Variants in LRBA observed in about 807,000 individuals in gnomAD.
The protein encoded by LRBA is LPS responsive beige-like anchor protein, also known as lipopolysaccharide-responsive and beige-like anchor protein.
Under a neutral mutation model 330.0 loss-of-function variants are expected in LRBA, and 176 were observed. The ratio of observed to expected loss-of-function variants is 0.53; its 90% CI spans 0.47 to 0.60. The LOEUF (loss-of-function observed/expected upper bound fraction) is 0.60. LRBA is among the 20% of genes least tolerant of loss of function. The pLI is 0.00. For missense variants in LRBA, 3,259 were observed against 3,444.8 expected (o/e 0.95, Z 1.35); for synonymous variants, 1,230 against 1,193.0 (o/e 1.03, Z -0.64).
intron 16 of LRBA, 70 bp from the exon 17 acceptor site, chr4:150,893,219 TGAAATA>T: frequency 2.6e-6 from 2 of 763,360 alleles, no homozygotes; most frequent in Admixed American, 4.9e-5. Flanking sequence ...TGAATACTTC[TGAAATA>T]GAAATTTCAA....
chr4:150,446,020 G>C (rs1407311260), intron 44 of LRBA, among the ~76,000 whole-genome samples: 2 of 152,148 alleles, frequency 1.3e-5, no homozygotes, highest in South Asian at 2.1e-4. Flanking sequence ...ATAAGGCATG[G>C]ATGGAACTAG....
At chr4:150,588,689 C>A (rs1365804127) in intron 39 of LRBA, among the ~76,000 whole-genome samples, 2 of 152,154 alleles carry the variant, frequency 1.3e-5, no homozygotes, top group South Asian at 4.1e-4. Context: ...AGATTTTATG[C>A]CAGCTTGACA....
chr4:150,687,019 T>C (rs1260009483), intron 36 of LRBA, among the ~76,000 whole-genome samples: 3 of 152,132 alleles, frequency 2.0e-5, no homozygotes, highest in East Asian at 3.8e-4. Context: ...TCTATAGATA[T>C]AAATCACATT....
At chr4:150,856,802 C>A (rs1261484553) in intron 22 of LRBA, among the ~76,000 whole-genome samples, 1 of 152,144 alleles carries the variant, frequency 6.6e-6, no homozygotes, top group Non-Finnish European at 1.5e-5. Context: ...TCTTCACAAT[C>A]ATTTGATAGC....
intron 38 of LRBA, among the ~76,000 whole-genome samples, chr4:150,594,069 A>C (rs1773204438): frequency 6.6e-6 from 1 of 152,136 alleles, no homozygotes; most frequent in Non-Finnish European, 1.5e-5. Flanking sequence ...ACACACACCC[A>C]CTTTAATTTA....
At chr4:150,278,865 C>T (rs1405722954) in intron 55 of LRBA, among the ~76,000 whole-genome samples, 1 of 151,980 alleles carries the variant, frequency 6.6e-6, no homozygotes, top group African/African-American at 2.4e-5. Flanking sequence ...TGCTCTGTCA[C>T]CCAGGCTGGA....
At chr4:150,953,968 CCCGCCACCCCGT>C (rs1737187164) in intron 2 of LRBA, among the ~76,000 whole-genome samples, 1 of 5,842 alleles carries the variant, frequency 1.7e-4, no homozygotes, top group African/African-American at 2.6e-4. Context: ...GCGCCTCTGC[CCCGCCACCCCGT>C]CTGGGAGGTA....
chr4:150,565,486 G>A (rs1176953570), intron 40 of LRBA, among the ~76,000 whole-genome samples: 1 of 151,980 alleles, frequency 6.6e-6, no homozygotes, highest in Non-Finnish European at 1.5e-5. Context: ...TTCTGCATAT[G>A]TATCCTAGAA....
chr4:150,278,614 C>T (rs749351521), intron 55 of LRBA, among the ~76,000 whole-genome samples: 14 of 152,188 alleles, frequency 9.2e-5, no homozygotes, highest in African/African-American at 1.2e-4. Flanking sequence ...GGCTGTGCCC[C>T]TCTGTCCTTT....
At chr4:150,996,281 C>A (rs1311444236) in intron 2 of LRBA, among the ~76,000 whole-genome samples, 1 of 152,104 alleles carries the variant, frequency 6.6e-6, no homozygotes, top group East Asian at 1.9e-4. Context: ...TAATTCTCAA[C>A]TTTTTCTAAA....
intron 48 of LRBA, among the ~76,000 whole-genome samples, chr4:150,339,385 G>A (rs937477807): frequency 8.5e-5 from 13 of 152,048 alleles, no homozygotes; most frequent in African/African-American, 2.9e-4. Flanking sequence ...AACCCAGAAC[G>A]CAATTACAAA....
chr4:150,571,649 G>GTTTTT lies in LRBA; in HGVS notation c.6330+16394_6330+16398dup, dbSNP rs58652637. ...GTATGCATTAACCTACTGGTTAGTT[G>GTTTTT]TTTTTTTTTTTTTTTTTTTTTTTTT... On this transcript the variant is annotated intron_variant, in intron 40 of 56. Coordinates refer to ENST00000651943, the MANE Select transcript of LRBA (RefSeq NM_001364905.1). Among the ~76,000 whole-genome samples the GTTTTT allele has an allele frequency of 6.0e-3, 445 of 74,390 alleles. 9 individuals carry two copies. The highest frequency in any genetic ancestry group is 0.018 in the Middle Eastern group (1 of 56). 48.8% of individuals were successfully genotyped at this position (74,390 alleles called of 152,430 possible).
chr4:150,874,852 G>C (rs190627101), intron 17 of LRBA, among the ~76,000 whole-genome samples: 1 of 152,306 alleles, frequency 6.6e-6, no homozygotes, highest in East Asian at 1.9e-4. Context: ...TGCACAGGCA[G>C]ATCTCCAGGC....
At chr4:150,718,341 G>A (rs562539207) in intron 36 of LRBA, among the ~76,000 whole-genome samples, 15 of 152,082 alleles carry the variant, frequency 9.9e-5, no homozygotes, top group South Asian at 2.1e-4. Flanking sequence ...TTAAATAGAT[G>A]ACAACATCTT....
chr4:150,716,842 G>A (rs1208786947), intron 36 of LRBA, among the ~76,000 whole-genome samples: 3 of 152,128 alleles, frequency 2.0e-5, no homozygotes, highest in East Asian at 1.9e-4. Context: ...CCATGAAGTC[G>A]ACAGAGGCTA....
chr4:150,287,452 G>A (rs1393217233), intron 53 of LRBA, among the ~76,000 whole-genome samples: 1 of 152,196 alleles, frequency 6.6e-6, no homozygotes, highest in Non-Finnish European at 1.5e-5. Context: ...AAGGTGAGAG[G>A]CTTCTACCCT....
chr4:150,264,703 T>G lies in LRBA; in HGVS notation c.*1019A>C, dbSNP rs1266727197. 6.6e-6 allele frequency: 1 copy of G among 152,648 alleles called. No individual in the cohort carries two copies. Among genetic ancestry groups the G allele is most frequent in the Non-Finnish European group, 1.5e-5 (1 of 68,028 alleles). 9.5% of individuals were successfully genotyped at this position (152,648 alleles called of 1,614,324 possible). A position where few individuals can be genotyped will look rare whatever the true frequency, so the allele number is the denominator to read the frequency against. On this transcript the variant is annotated 3_prime_UTR_variant, in exon 57 of 57. Coordinates refer to ENST00000651943, the MANE Select transcript of LRBA (RefSeq NM_001364905.1). ...TTATTTATGCAATACAGGCCTTTTCTCAAATATTTTTCACAGAATTCCACA... is the reference window on the plus strand; with the variant it reads ...TTATTTATGCAATACAGGCCTTTTCGCAAATATTTTTCACAGAATTCCACA...
At chr4:150,964,664 T>C (rs1351553975) in intron 2 of LRBA, among the ~76,000 whole-genome samples, 1 of 151,644 alleles carries the variant, frequency 6.6e-6, no homozygotes, top group African/African-American at 2.4e-5. Flanking sequence ...TAATCTCAAG[T>C]ACCCAGGGAC....
intron 37 of LRBA, among the ~76,000 whole-genome samples, chr4:150,647,972 A>G (rs1190233982): frequency 2.6e-5 from 4 of 151,502 alleles, no homozygotes; most frequent in Non-Finnish European, 4.4e-5. Context: ...ACTATATTCA[A>G]TTATCCAGTG....
Sources: allele counts gnomAD v4.1 joint callset (sites outside exome capture counted in the v4.1 genomes callset), GRCh38; gene constraint gnomAD v4.1.1; transcripts MANE v1.5; gene names NCBI Gene and HGNC (gene_info 2026-07-23, HGNC 2026-07-21).